The following MAF variants were observed in gnomAD, a reference collection of about 807,000 sequenced individuals.
MAF encodes MAF bZIP transcription factor, also known as transcription factor Maf.
Under a neutral mutation model 22.0 loss-of-function variants are expected in MAF, and 10 were observed. The observed-to-expected ratio is 0.45, with a 90% CI of 0.28 to 0.77. The LOEUF (loss-of-function observed/expected upper bound fraction) is 0.77. Among genes scored for constraint, MAF ranks in the 30% least tolerant of loss-of-function variants. MAF has a pLI of 0.12. For synonymous variants in MAF, 337 were observed against 255.8 expected, an observed-to-expected ratio of 1.32 and a Z score of -3.03; for missense variants, 544 against 548.4, an observed-to-expected ratio of 0.99 and a Z score of 0.08.
chr16:79,559,421 A>G, the MAF span, among the ~76,000 whole-genome samples: 4 of 152,204 alleles, frequency 2.6e-5, no homozygotes, highest in African/African-American at 7.2e-5. Context: ...TGGGTCTTCC[A>G]GAGGGGAAGT....
chr16:79,369,523 A>G, the MAF span, among the ~76,000 whole-genome samples: 1 of 152,230 alleles, frequency 6.6e-6, no homozygotes, highest in East Asian at 1.9e-4. Flanking sequence ...GTAGATTTTC[A>G]TGACACTTAG....
the MAF span, among the ~76,000 whole-genome samples, chr16:79,381,535 A>G: frequency 6.6e-6 from 1 of 152,224 alleles, no homozygotes; most frequent in Non-Finnish European, 1.5e-5. Context: ...ATTTGGGGAA[A>G]GCAACCTATG....
the MAF span, among the ~76,000 whole-genome samples, chr16:79,457,903 T>C: frequency 6.6e-6 from 1 of 152,162 alleles, no homozygotes; most frequent in Non-Finnish European, 1.5e-5. Context: ...TCAGGTGTGC[T>C]CTAGAGGCCA....
the MAF span, among the ~76,000 whole-genome samples, chr16:79,210,603 C>G: frequency 2.6e-5 from 4 of 152,180 alleles, no homozygotes; most frequent in East Asian, 3.9e-4. Context: ...GTGGATGCAG[C>G]TAGGGCTCTG....
chr16:79,283,184 G>A, the MAF span, among the ~76,000 whole-genome samples: 1 of 152,206 alleles, frequency 6.6e-6, no homozygotes, highest in East Asian at 1.9e-4. Context: ...ATGGACGGAT[G>A]AATGGATGGA....
chr16:79,357,661 C>T, the MAF span, among the ~76,000 whole-genome samples: 5 of 152,106 alleles, frequency 3.3e-5, no homozygotes, highest in African/African-American at 4.8e-5. Context: ...CTGTCTTCCT[C>T]ACCATCGGTT....
At chr16:79,501,500 G>A in the MAF span, among the ~76,000 whole-genome samples, 1 of 152,140 alleles carries the variant, frequency 6.6e-6, no homozygotes, top group Non-Finnish European at 1.5e-5. Context: ...TAATCTAGCA[G>A]AAGTCTTTAT....
At chr16:79,321,376 G>C in the MAF span, among the ~76,000 whole-genome samples, 10 of 152,344 alleles carry the variant, frequency 6.6e-5, no homozygotes, top group South Asian at 1.9e-3. Flanking sequence ...TAAACAGCAA[G>C]TAATGTCTAG....
At chr16:79,596,633 T>G in intron 1 of MAF, 1 of 1,039,600 alleles carries the variant, frequency 9.6e-7, no homozygotes, top group Non-Finnish European at 1.2e-6. Flanking sequence ...AAAAGAAAAG[T>G]AACTGACAAG....
At chr16:79,580,346 A>T in the MAF span, among the ~76,000 whole-genome samples, 1 of 152,212 alleles carries the variant, frequency 6.6e-6, no homozygotes, top group Admixed American at 6.5e-5. Context: ...GAGCAAACAG[A>T]TGGAACAGTC....
the MAF span, among the ~76,000 whole-genome samples, chr16:79,505,039 A>G: frequency 1.7e-3 from 252 of 152,320 alleles, 1 homozygote; most frequent in African/African-American, 6.0e-3. Context: ...TTAGAAAAAC[A>G]AAACCCTGAG....
intron 1 of MAF, chr16:79,595,124 GAAAA>G (rs377383083): frequency 3.5e-5 from 32 of 921,502 alleles, no homozygotes; most frequent in East Asian, 2.1e-4. Flanking sequence ...TTGTGATGAG[GAAAA>G]AAAAAAAAAA....
At chr16:79,393,750 A>C in the MAF span, among the ~76,000 whole-genome samples, 1 of 152,144 alleles carries the variant, frequency 6.6e-6, no homozygotes, top group Non-Finnish European at 1.5e-5. Context: ...CTGAACTTGG[A>C]CATTAAAGGG....
At chr16:79,504,927 C>T in the MAF span, among the ~76,000 whole-genome samples, 1 of 152,146 alleles carries the variant, frequency 6.6e-6, no homozygotes, top group East Asian at 1.9e-4. Flanking sequence ...TGTGGAGTTA[C>T]TATTCTGTTT....
the MAF span, among the ~76,000 whole-genome samples, chr16:79,252,072 C>T: frequency 6.6e-6 from 1 of 152,222 alleles, no homozygotes; most frequent in African/African-American, 2.4e-5. Context: ...CTGCAGAAAC[C>T]TAACAATATT....
At chr16:79,341,677 T>C in the MAF span, among the ~76,000 whole-genome samples, 1 of 152,172 alleles carries the variant, frequency 6.6e-6, no homozygotes, top group East Asian at 1.9e-4. Flanking sequence ...CATGACTTTA[T>C]TTACATTTTA....
chr16:79,213,995 G>T, the MAF span, among the ~76,000 whole-genome samples: 27 of 151,906 alleles, frequency 1.8e-4, no homozygotes, highest in Non-Finnish European at 1.0e-4. Context: ...TCTGTTCCTC[G>T]AACATGCCAA....
At chr16:79,388,345 G>A in the MAF span, among the ~76,000 whole-genome samples, 2,250 of 152,214 alleles carry the variant, frequency 0.015, 46 homozygotes, top group African/African-American at 0.05. Flanking sequence ...TCATATACAT[G>A]TTTACAAAGC....
chr16:79,351,515 A>G, the MAF span, among the ~76,000 whole-genome samples: 1 of 152,208 alleles, frequency 6.6e-6, no homozygotes, highest in Non-Finnish European at 1.5e-5. Context: ...GTGACTTTAA[A>G]TGCTGCATCT....
Sources: gnomAD v4.1 joint callset for allele counts (sites outside exome capture counted in the v4.1 genomes callset) on GRCh38, gnomAD v4.1.1 for gene constraint, MANE v1.5 for transcripts, NCBI Gene and HGNC (gene_info 2026-07-23, HGNC 2026-07-21) for gene names.